Variants in ZMYM5 observed in about 807,000 individuals in gnomAD.
ZMYM5 encodes the protein zinc finger MYM-type protein 5.
A neutral mutation model predicts 61.8 loss-of-function variants in ZMYM5; 41 were observed. The observed-to-expected ratio is 0.66, with a 90% CI of 0.52 to 0.86. ZMYM5 has a LOEUF of 0.86. Among genes scored for constraint, ZMYM5 ranks in the 40% least tolerant of loss-of-function variants. The pLI, the probability that ZMYM5 is intolerant of heterozygous loss-of-function variation, is 0.00. For synonymous variants in ZMYM5, 257 were observed against 276.4 expected, an observed-to-expected ratio of 0.93 and a Z score of 0.70; for missense variants, 706 against 786.7, an observed-to-expected ratio of 0.90 and a Z score of 1.23.
At chr13:19,833,610 T>C (rs1952588696) in intron 7 of ZMYM5, among the ~76,000 whole-genome samples, 1 of 152,126 alleles carries the variant, frequency 6.6e-6, no homozygotes. Flanking sequence ...TAATTCAAAA[T>C]GAATCACAGG....
chr13:19,833,730 C>T (rs1056632031), intron 7 of ZMYM5, among the ~76,000 whole-genome samples: 2 of 152,084 alleles, frequency 1.3e-5, no homozygotes, highest in African/African-American at 4.8e-5. Context: ...CTATTAATCA[C>T]AAGAGAAGCA....
chr13:19,841,373 T>C (rs1952871365), intron 4 of ZMYM5, among the ~76,000 whole-genome samples: 1 of 152,208 alleles, frequency 6.6e-6, no homozygotes, highest in South Asian at 2.1e-4. Flanking sequence ...AGGTCCTCAG[T>C]GTCTACTGAA....
At chr13:19,859,510 CT>C (rs1226692610) in intron 2 of ZMYM5, among the ~76,000 whole-genome samples, 1 of 152,058 alleles carries the variant, frequency 6.6e-6, no homozygotes, top group East Asian at 2.0e-4. Flanking sequence ...TCACGCCATC[CT>C]CCTGCCTCAG....
chr13:19,843,308 G>GGGTAGAGGTAGAGCAGA (rs1952947561), intron 4 of ZMYM5: 1 of 144,270 alleles, frequency 6.9e-6, no homozygotes, highest in Non-Finnish European at 1.5e-5. Flanking sequence ...AGCAGAGACG[G>GGGTAGAGGTAGAGCAGA]GGTAGAGGTA....
intron 4 of ZMYM5, among the ~76,000 whole-genome samples, chr13:19,847,341 T>C (rs1007192671): frequency 1.3e-5 from 2 of 152,146 alleles, no homozygotes; most frequent in African/African-American, 2.4e-5. Context: ...AAAAGAAAAC[T>C]ATCCACATCT....
At chr13:19,861,802 G>A (rs759494913) in intron 2 of ZMYM5, among the ~76,000 whole-genome samples, 8 of 151,768 alleles carry the variant, frequency 5.3e-5, no homozygotes, top group Non-Finnish European at 8.8e-5. Flanking sequence ...ACAGAGAAAG[G>A]GCATTTGTAC....
At position 19,838,971 on chromosome 13, in the gene ZMYM5, G is replaced by T; in HGVS notation, c.601C>A (p.Gln201Lys). ...THHSPDSWISQSASFPSNQKQ... is the reference protein window; with the variant it reads ...THHSPDSWISKSASFPSNQKQ... ...TGATTACTGGGAAATGAAGCTGACTGGGAGATCCAAGAATCTTAAAAATGA... is the reference window on the plus strand; with the variant it reads ...TGATTACTGGGAAATGAAGCTGACTTGGAGATCCAAGAATCTTAAAAATGA... Residue 201 changes from glutamine to lysine, a missense_variant, in exon 5 of 8, where the codon CAG (glutamine) becomes AAG (lysine). This residue lies in a region of ZMYM5 where 480 missense variants were observed against 461.7 expected (regional missense o/e 1.04). Coordinates refer to ENST00000337963, the MANE Select transcript of ZMYM5 (RefSeq NM_001142684.2). The T allele has an allele frequency of 3.1e-6, 5 of 1,608,588 alleles. No individual in the cohort carries two copies. The highest frequency in any genetic ancestry group is 4.2e-6 in the Non-Finnish European group (5 of 1,177,158).
chr13:19,833,030 G>A (rs879367236), intron 7 of ZMYM5, among the ~76,000 whole-genome samples: 3 of 152,010 alleles, frequency 2.0e-5, no homozygotes, highest in East Asian at 1.9e-4. Flanking sequence ...CACCGTGCCT[G>A]GACCTTTCTA....
At chr13:19,858,709 G>C (rs537109737) in intron 2 of ZMYM5, among the ~76,000 whole-genome samples, 3 of 151,106 alleles carry the variant, frequency 2.0e-5, no homozygotes, top group Admixed American at 6.6e-5. Flanking sequence ...AAAGCAATAT[G>C]ATTTTATAAG....
At chr13:19,829,736 A>C (rs1006820670) in intron 7 of ZMYM5, among the ~76,000 whole-genome samples, 1 of 152,154 alleles carries the variant, frequency 6.6e-6, no homozygotes, top group Non-Finnish European at 1.5e-5. Context: ...CTAGTATTGT[A>C]GGTGCACACC....
intron 4 of ZMYM5, among the ~76,000 whole-genome samples, chr13:19,841,194 A>C (rs1437324182): frequency 6.7e-6 from 1 of 149,484 alleles, no homozygotes; most frequent in Non-Finnish European, 1.5e-5. Context: ...TGAACTCCTG[A>C]CCTCGTGATC....
intron 2 of ZMYM5, 134 bp from the exon 3 acceptor site, chr13:19,852,324 T>G: frequency 1.1e-6 from 1 of 871,460 alleles, no homozygotes. Flanking sequence ...TTTCCTCTAC[T>G]GTTAACTAAT....
chr13:19,856,540 T>C (rs1953517735), intron 2 of ZMYM5, among the ~76,000 whole-genome samples: 2 of 151,660 alleles, frequency 1.3e-5, no homozygotes, highest in Non-Finnish European at 2.9e-5. Flanking sequence ...CTCAGGAGGC[T>C]GAGACAGGAG....
Position 19,863,613 on chromosome 13 carries a change from G to C in ZMYM5, c.-242C>G, listed in dbSNP as rs9578228. ...GCTTCGGCGACAAGCACAACTCCGC[G>C]AGGTCCAGTCCCGGCTTTTCGCGCT... On this transcript the variant is annotated 5_prime_UTR_variant, in exon 1 of 8. Coordinates refer to ENST00000337963, the MANE Select transcript of ZMYM5 (RefSeq NM_001142684.2). The C allele has an allele frequency of 1.3e-5, 2 of 152,562 alleles. No individual in the cohort carries two copies. Among genetic ancestry groups the C allele is most frequent in the African/African-American group, 2.4e-5 (1 of 41,412 alleles). 9.5% of individuals were successfully genotyped at this position (152,562 alleles called of 1,614,324 possible). A position where few individuals can be genotyped will look rare whatever the true frequency, so the allele number is the denominator to read the frequency against.
chr13:19,840,049 T>A (rs1952813191), intron 4 of ZMYM5, among the ~76,000 whole-genome samples: 2 of 152,222 alleles, frequency 1.3e-5, no homozygotes, highest in South Asian at 4.1e-4. Flanking sequence ...TGAGAAGAAA[T>A]CTGATACTCT....
intron 4 of ZMYM5, among the ~76,000 whole-genome samples, chr13:19,840,735 G>T (rs1213835075): frequency 6.6e-6 from 1 of 151,514 alleles, no homozygotes; most frequent in Non-Finnish European, 1.5e-5. Flanking sequence ...GGAGTGCAGT[G>T]GTGCGATCTC....
At position 19,835,577 on chromosome 13, in the gene ZMYM5, CCA is replaced by C. The variant is rs1280221281; in HGVS notation, c.1149_1150del (p.Cys383TrpfsTer6). ...AGTACTCTTACTAGGCATGTACTCT[CCA>C]CAGTGTTCACAGCAGTTCATTATTA... On this transcript the variant is annotated frameshift_variant, in exon 7 of 8. Transcript: ENST00000337963. LOFTEE classifies it high-confidence loss of function. 10 of 1,367,672 alleles carry C rather than the reference CCA, an allele frequency of 7.3e-6. No individual in the cohort carries two copies. The highest frequency in any genetic ancestry group is 9.8e-6 in the Non-Finnish European group (10 of 1,021,848). The allele number at this position is 1,367,672 out of a possible 1,614,324, so 84.7% of individuals were successfully genotyped here.
chr13:19,851,343 C>G lies in ZMYM5; in HGVS notation c.586+12G>C. 6.2e-7 allele frequency: 1 copy of G among 1,605,438 alleles called. No homozygotes were observed. The highest frequency in any genetic ancestry group is 1.1e-5 in the South Asian group (1 of 90,868). ...TTTACTTGAGGTAGAAACAGTATCA[C>G]TTACTGCTTACCAGGACTATGATGA... is the stretch of plus-strand genomic sequence containing the variant. On this transcript the variant is annotated intron_variant, in intron 4 of 7. Coordinates refer to ENST00000337963, the MANE Select transcript of ZMYM5 (RefSeq NM_001142684.2).
intron 2 of ZMYM5, 147 bp downstream of exon 2, chr13:19,862,252 G>A (rs1953795767): frequency 6.6e-6 from 1 of 152,014 alleles, no homozygotes; most frequent in Non-Finnish European, 1.5e-5. Context: ...CCATGGCTTG[G>A]CTCTGGGGAC....
Sources: allele counts gnomAD v4.1 joint callset (sites outside exome capture counted in the v4.1 genomes callset), GRCh38; gene constraint gnomAD v4.1.1; regional missense constraint gnomAD v4.1.1; transcripts MANE v1.5; gene names NCBI Gene and HGNC (gene_info 2026-07-23, HGNC 2026-07-21).